TNFAIP8L3: variants seen among roughly 807,000 people sequenced by gnomAD.
TNFAIP8L3 encodes TNF alpha induced protein 8 like 3.
TNFAIP8L3 carries 7 observed loss-of-function variants against 11.8 expected under a neutral mutation model. That is an observed-to-expected ratio of 0.59 (90% CI 0.34 to 1.11). The LOEUF is 1.11. Ranked by LOEUF, TNFAIP8L3 falls within the 50% of genes most tolerant of loss-of-function variation. The pLI, the probability that TNFAIP8L3 is intolerant of heterozygous loss-of-function variation, is 0.03. For synonymous variants in TNFAIP8L3, 98 were observed against 103.8 expected (o/e 0.94, Z 0.34); for missense variants, 219 against 258.6 (o/e 0.85, Z 1.05).
At chr15:51,062,438 T>G (rs1013947989) in intron 1 of TNFAIP8L3, among the ~76,000 whole-genome samples, 2 of 152,196 alleles carry the variant, frequency 1.3e-5, no homozygotes, top group Admixed American at 6.5e-5. Context: ...TGCCTTGACC[T>G]TAGGTTTCTT....
intron 1 of TNFAIP8L3, 90 bp from the exon 2 acceptor site, chr15:51,058,533 T>C: frequency 1.6e-6 from 2 of 1,218,620 alleles, no homozygotes; most frequent in Non-Finnish European, 2.2e-6. Flanking sequence ...CTTGAACTTA[T>C]GTTCTTAGAG....
At chr15:51,083,245 C>T (rs2065404716) in intron 1 of TNFAIP8L3, among the ~76,000 whole-genome samples, 1 of 152,122 alleles carries the variant, frequency 6.6e-6, no homozygotes, top group African/African-American at 2.4e-5. Context: ...GAAATAGATT[C>T]ACATTATATT....
At position 51,058,434 on chromosome 15, in the gene TNFAIP8L3, A is replaced by ACAT; in HGVS notation, c.59_61dup (p.Asp20dup). The ACAT allele has an allele frequency of 6.4e-7, 1 of 1,551,230 alleles. No individual in the cohort carries two copies. Among genetic ancestry groups the ACAT allele is most frequent in the Non-Finnish European group, 8.6e-7 (1 of 1,160,370 alleles). On this transcript the variant is annotated inframe_insertion, in exon 2 of 2. Coordinates refer to ENST00000637513, the MANE Select transcript of TNFAIP8L3 (RefSeq NM_001311175.2). Reference sequence around the variant, plus strand: ...AAGCGCAAGACTCTTTGAACTAAAAACATCAGGACCTATGGTAAAAAAAAT... The same window carrying ACAT: ...AAGCGCAAGACTCTTTGAACTAAAAACATCATCAGGACCTATGGTAAAAAAAAT...
At chr15:51,096,335 A>C (rs1397796540), upstream of TNFAIP8L3, among the ~76,000 whole-genome samples, 1 of 152,174 alleles carries the variant, frequency 6.6e-6, no homozygotes, top group African/African-American at 2.4e-5. Context: ...TACAAGTTGG[A>C]TGGATATTGA....
intron 1 of TNFAIP8L3, among the ~76,000 whole-genome samples, chr15:51,074,906 G>A (rs558556712): frequency 1.3e-5 from 2 of 152,282 alleles, no homozygotes; most frequent in Non-Finnish European, 2.9e-5. Context: ...CTCACACCTA[G>A]CTCAGTGGTA....
chr15:51,062,384 C>T (rs2065247147), intron 1 of TNFAIP8L3, among the ~76,000 whole-genome samples: 1 of 152,192 alleles, frequency 6.6e-6, no homozygotes, highest in Non-Finnish European at 1.5e-5. Context: ...TGCCTGAGCC[C>T]AGGAGGTTGA....
intron 1 of TNFAIP8L3, among the ~76,000 whole-genome samples, chr15:51,070,487 C>A (rs1274176168): frequency 1.3e-5 from 2 of 152,174 alleles, no homozygotes; most frequent in South Asian, 4.1e-4. Flanking sequence ...CAAGTAGGCA[C>A]TAATGTCAGC....
chr15:51,102,209 C>T (rs1387723383), intron 1 of TNFAIP8L3, among the ~76,000 whole-genome samples: 1 of 152,068 alleles, frequency 6.6e-6, no homozygotes, highest in Non-Finnish European at 1.5e-5. Context: ...GAACTCAAGG[C>T]TCCTATTCCC....
chr15:51,072,289 C>T (rs142105635), intron 1 of TNFAIP8L3, among the ~76,000 whole-genome samples: 1 of 152,230 alleles, frequency 6.6e-6, no homozygotes, highest in East Asian at 1.9e-4. Flanking sequence ...TACAGGCATG[C>T]ACCACCATGC....
intron 1 of TNFAIP8L3, among the ~76,000 whole-genome samples, chr15:51,101,945 C>CAAAAAAAAAAAA (rs11297566): frequency 5.8e-5 from 5 of 85,704 alleles, no homozygotes; most frequent in Non-Finnish European, 9.3e-5. Flanking sequence ...GACTCTGTCT[C>CAAAAAAAAAAAA]AAAAAAAAAA....
chr15:51,094,696 C>A lies in TNFAIP8L3; in HGVS notation c.-101G>T. ...GGCGGACAGCGGGGCGGCTGGAGCCCGGGCGGCGCGGGCGGCGCGGGCTGG... is the reference window on the plus strand; with the variant it reads ...GGCGGACAGCGGGGCGGCTGGAGCCAGGGCGGCGCGGGCGGCGCGGGCTGG... On this transcript the variant is annotated 5_prime_UTR_variant, in exon 1 of 2. Coordinates refer to ENST00000637513, the MANE Select transcript of TNFAIP8L3 (RefSeq NM_001311175.2). The surrounding 1 kb of genome is among the most constrained non-coding windows in gnomAD (Gnocchi z 4.4). 2 of 597,862 alleles carry A rather than the reference C, an allele frequency of 3.3e-6. No homozygotes were observed. Among genetic ancestry groups the A allele is most frequent in the Non-Finnish European group, 4.1e-6 (2 of 487,316 alleles). The allele number at this position is 597,862 out of a possible 1,614,324, so 37.0% of individuals were successfully genotyped here.
intron 1 of TNFAIP8L3, among the ~76,000 whole-genome samples, chr15:51,104,669 GCT>G (rs1240179576): frequency 6.6e-6 from 1 of 152,184 alleles, no homozygotes; most frequent in African/African-American, 2.4e-5. Flanking sequence ...GGAGGTTTTG[GCT>G]CTCTGACCTG....
intron 1 of TNFAIP8L3, among the ~76,000 whole-genome samples, chr15:51,060,139 G>T (rs1186139354): frequency 6.6e-6 from 1 of 152,216 alleles, no homozygotes; most frequent in Non-Finnish European, 1.5e-5. Flanking sequence ...CCTGACTGAT[G>T]CTATTCCAGA....
Position 51,058,120 on chromosome 15 carries a change from C to A in TNFAIP8L3, c.376G>T (p.Glu126Ter), listed in dbSNP as rs780398213. The change falls in exon 2 of 2, where the codon GAA becomes TAA. Residue 126 changes from glutamate to a stop codon, truncating the protein, a stop_gained. Coordinates refer to ENST00000637513, the MANE Select transcript of TNFAIP8L3 (RefSeq NM_001311175.2). LOFTEE classifies it high-confidence loss of function. ...AGCACGTTCCTATCGAAGGTGTATTCCACCTCATAGAAGCTGACAATGGTC... is the reference window on the plus strand; with the variant it reads ...AGCACGTTCCTATCGAAGGTGTATTACACCTCATAGAAGCTGACAATGGTC... ...AMTIVSFYEV[E>*]YTFDRNVLSN... 1.2e-6 allele frequency: 2 copies of A among 1,614,218 alleles called. No homozygotes were observed. The highest frequency in any genetic ancestry group is 1.7e-6 in the Non-Finnish European group (2 of 1,180,038).
upstream of TNFAIP8L3, among the ~76,000 whole-genome samples, chr15:51,099,327 G>T (rs1331313265): frequency 6.6e-6 from 1 of 152,076 alleles, no homozygotes; most frequent in African/African-American, 2.4e-5. Flanking sequence ...GCATCCAGCT[G>T]TTCTCCTGGG....
At position 51,058,329 on chromosome 15, in the gene TNFAIP8L3, A is replaced by G. The variant is rs1230297869; in HGVS notation, c.167T>C (p.Ile56Thr). 2 of 1,614,036 alleles carry G rather than the reference A, an allele frequency of 1.2e-6. No homozygotes were observed. Among genetic ancestry groups the G allele is most frequent in the Non-Finnish European group, 1.7e-6 (2 of 1,180,008 alleles). ...GGTGACTTTGTAGAGCTCATCAAAGATCTCGCTGCTGGTGTCATCAATCAA... is the reference window on the plus strand; with the variant it reads ...GGTGACTTTGTAGAGCTCATCAAAGGTCTCGCTGCTGGTGTCATCAATCAA... The part of the protein sequence containing the change: ...NMLIDDTSSE[I>T]FDELYKVTKE... The change falls in exon 2 of 2, where the codon ATC becomes ACC. Residue 56 changes from isoleucine to threonine, a missense_variant. Ile to Thr is a moderately conservative substitution (Grantham distance 89, BLOSUM62 -1). Transcript: ENST00000637513.
At chr15:51,080,178 C>T (rs928583495) in intron 1 of TNFAIP8L3, among the ~76,000 whole-genome samples, 2 of 152,192 alleles carry the variant, frequency 1.3e-5, no homozygotes, top group Non-Finnish European at 2.9e-5. Context: ...CAAACTTCAG[C>T]GATGACATTA....
intron 1 of TNFAIP8L3, among the ~76,000 whole-genome samples, chr15:51,073,654 G>A (rs940341366): frequency 6.6e-5 from 10 of 151,902 alleles, no homozygotes; most frequent in African/African-American, 2.2e-4. Flanking sequence ...TGTTTTCTTT[G>A]ACCCCCTATT....
intron 1 of TNFAIP8L3, among the ~76,000 whole-genome samples, chr15:51,092,642 C>T (rs1026956859): frequency 1.3e-5 from 2 of 152,142 alleles, no homozygotes; most frequent in Admixed American, 6.5e-5. Context: ...AGCTGTCTGC[C>T]CTGTTCTTCA....
Sources: gnomAD v4.1 joint callset for allele counts (sites outside exome capture counted in the v4.1 genomes callset) on GRCh38, gnomAD v4.1.1 for gene constraint, Gnocchi (gnomAD v3.1) non-coding constraint, MANE v1.5 for transcripts, NCBI Gene and HGNC (gene_info 2026-07-23, HGNC 2026-07-21) for gene names.